ZFP64: variants seen among roughly 807,000 people sequenced by gnomAD.
The protein encoded by ZFP64 is ZFP64 zinc finger protein, also known as zinc finger protein 64.
Under a neutral mutation model 51.6 loss-of-function variants are expected in ZFP64, and 14 were observed. The observed-to-expected ratio is 0.27, with a 90% CI of 0.18 to 0.42. The LOEUF is 0.42. Among genes scored for constraint, ZFP64 ranks in the 10% least tolerant of loss-of-function variants. ZFP64 has a pLI of 1.00. For synonymous variants in ZFP64, 375 were observed against 361.4 expected, an observed-to-expected ratio of 1.04 and a Z score of -0.43; for missense variants, 754 against 906.8, an observed-to-expected ratio of 0.83 and a Z score of 2.16.
At chr20:52,112,312 G>A (rs867890169) in intron 5 of ZFP64, among the ~76,000 whole-genome samples, 2 of 152,046 alleles carry the variant, frequency 1.3e-5, no homozygotes, top group East Asian at 1.9e-4. Flanking sequence ...TTATGATAAT[G>A]GAGTAAGAGT....
At chr20:52,092,504 A>G (rs906011679) in intron 7 of ZFP64, among the ~76,000 whole-genome samples, 2 of 152,224 alleles carry the variant, frequency 1.3e-5, no homozygotes, top group Non-Finnish European at 2.9e-5. Context: ...AGAAGACTCA[A>G]TAAGATGGGT....
chr20:52,188,744 G>A (rs937593027), intron 1 of ZFP64, among the ~76,000 whole-genome samples: 3 of 151,938 alleles, frequency 2.0e-5, no homozygotes, highest in Non-Finnish European at 4.4e-5. Flanking sequence ...AAGACATAGC[G>A]GGTAGATCAT....
At chr20:52,120,938 A>C (rs1979160155) in intron 5 of ZFP64, among the ~76,000 whole-genome samples, 1 of 152,036 alleles carries the variant, frequency 6.6e-6, no homozygotes, top group South Asian at 2.1e-4. Context: ...TGGCCTCCTA[A>C]AGTGCTGGGA....
At chr20:52,176,008 C>A in intron 2 of ZFP64, 2 of 983,294 alleles carry the variant, frequency 2.0e-6, no homozygotes, top group Non-Finnish European at 2.4e-6. Flanking sequence ...GTGGCGCTGC[C>A]CTGTTGGAAG....
At chr20:52,169,439 C>A (rs1167957955) in intron 2 of ZFP64, among the ~76,000 whole-genome samples, 3 of 152,184 alleles carry the variant, frequency 2.0e-5, no homozygotes, top group Non-Finnish European at 4.4e-5. Context: ...ACCCCCTGTG[C>A]TGGAAGGTGT....
intron 2 of ZFP64, among the ~76,000 whole-genome samples, chr20:52,169,944 T>C (rs1982585154): frequency 6.6e-6 from 1 of 152,022 alleles, no homozygotes; most frequent in Non-Finnish European, 1.5e-5. Flanking sequence ...TCCCAGCTAC[T>C]TGGGAGGCTG....
At position 52,085,932 on chromosome 20, in the gene ZFP64, A is replaced by G. The variant is rs2078859653; in HGVS notation, c.1229-666T>C. ...TTTAAACGTCAGTTGAATATACACA[A>G]AGATAAGCATCTTATCCTACACACC... On this transcript the variant is annotated intron_variant, in intron 8 of 8. Coordinates refer to the ZFP64 transcript ENST00000361387. The surrounding 1 kb of genome is among the most constrained non-coding windows in gnomAD (Gnocchi z 4.3). 1.3e-5 allele frequency among the ~76,000 whole-genome samples: 2 copies of G among 152,146 alleles called. No homozygotes were observed. Among genetic ancestry groups the G allele is most frequent in the Non-Finnish European group, 2.9e-5 (2 of 68,026 alleles).
intron 5 of ZFP64, among the ~76,000 whole-genome samples, chr20:52,112,826 A>C (rs903567865): frequency 2.0e-5 from 3 of 151,944 alleles, no homozygotes; most frequent in Non-Finnish European, 4.4e-5. Flanking sequence ...CATGTTGCCC[A>C]GGCTGGTCTT....
intron 7 of ZFP64, among the ~76,000 whole-genome samples, chr20:52,091,714 G>A (rs55788839): frequency 0.04 from 6,074 of 151,894 alleles, 380 homozygotes; most frequent in East Asian, 0.13. Flanking sequence ...GTGGCTGGGC[G>A]CGGTGGCTCA....
At chr20:52,149,244 G>A (rs191055256), downstream of ZFP64, among the ~76,000 whole-genome samples, 309 of 148,932 alleles carry the variant, frequency 2.1e-3, 1 homozygote, top group African/African-American at 7.1e-3. Flanking sequence ...TGGAAACTCC[G>A]TGAAACTTAC....
At chr20:52,121,046 C>T (rs534920406) in intron 5 of ZFP64, among the ~76,000 whole-genome samples, 8 of 152,140 alleles carry the variant, frequency 5.3e-5, no homozygotes, top group Admixed American at 2.0e-4. Flanking sequence ...CCATGTAAGA[C>T]GGGAACTTAA....
chr20:52,094,392 G>A (rs1237120531), intron 7 of ZFP64, among the ~76,000 whole-genome samples: 1 of 152,184 alleles, frequency 6.6e-6, no homozygotes, highest in Non-Finnish European at 1.5e-5. Context: ...GAAATACAAA[G>A]TGGGATAAAA....
At chr20:52,101,597 A>T (rs2079051357) in intron 5 of ZFP64, among the ~76,000 whole-genome samples, 1 of 151,968 alleles carries the variant, frequency 6.6e-6, no homozygotes, top group African/African-American at 2.4e-5. Flanking sequence ...TTATAGAGAC[A>T]GGGTTTTGCC....
intron 5 of ZFP64, among the ~76,000 whole-genome samples, chr20:52,136,176 G>A (rs189723502): frequency 2.0e-4 from 29 of 148,702 alleles, no homozygotes; most frequent in Admixed American, 1.9e-3. Context: ...GCATGATTAA[G>A]GACATCAATT....
intron 5 of ZFP64, among the ~76,000 whole-genome samples, chr20:52,109,780 CAAAAAA>C (rs779914417): frequency 0.011 from 498 of 46,118 alleles, 3 homozygotes; most frequent in African/African-American, 0.035. Context: ...AATTCCACCT[CAAAAAA>C]AAAAAAAAAA....
intron 5 of ZFP64, among the ~76,000 whole-genome samples, chr20:52,135,977 T>C (rs1265496823): frequency 6.6e-6 from 1 of 150,712 alleles, no homozygotes; most frequent in African/African-American, 2.4e-5. Flanking sequence ...TGTGTACCTG[T>C]AGTCCCAGCT....
chr20:52,111,513 A>C (rs6021706), intron 5 of ZFP64, among the ~76,000 whole-genome samples: 31,260 of 150,736 alleles, frequency 0.21, 3,568 homozygotes, highest in Admixed American at 0.27. Flanking sequence ...CCTTGCCCAG[A>C]ATCCGATTTT....
intron 5 of ZFP64, among the ~76,000 whole-genome samples, chr20:52,139,161 C>T (rs2144772): frequency 0.09 from 13,703 of 152,230 alleles, 773 homozygotes; most frequent in African/African-American, 0.14. Context: ...CCACTCGACT[C>T]AGCAATCCCA....
Position 52,152,579 on chromosome 20 carries a change from C to T in ZFP64, c.1613G>A (p.Ser538Asn). ...AQNPEELPGN[S>N]RLQILRQVSL... Reference sequence around the variant, plus strand: ...GACCTGGCGCAGGATCTGCAGCCGGCTGTTCCCTGGGAGTTCCTCTGGGTT... The same window carrying T: ...GACCTGGCGCAGGATCTGCAGCCGGTTGTTCCCTGGGAGTTCCTCTGGGTT... Residue 538 changes from serine to asparagine, a missense_variant, in exon 6 of 6, where the codon AGC becomes AAC. Around this residue, in one of 3 missense-constraint regions of ZFP64, gnomAD observed 428 missense variants for 472.4 expected, o/e 0.91. Transcript: ENST00000216923. The T allele has an allele frequency of 6.4e-7, 1 of 1,557,092 alleles. No individual in the cohort carries two copies.
Sources: gnomAD v4.1 joint callset for allele counts (sites outside exome capture counted in the v4.1 genomes callset) on GRCh38, gnomAD v4.1.1 for gene constraint, gnomAD v4.1.1 regional missense constraint, Gnocchi (gnomAD v3.1) non-coding constraint, MANE v1.5 for transcripts, NCBI Gene and HGNC (gene_info 2026-07-23, HGNC 2026-07-21) for gene names.